The following LRP1B variants were observed in gnomAD, a reference collection of about 807,000 sequenced individuals.
LRP1B encodes the protein low-density lipoprotein receptor-related protein 1B.
LRP1B carries 217 observed loss-of-function variants against 556.6 expected under a neutral mutation model. The ratio of observed to expected loss-of-function variants is 0.39; its 90% CI spans 0.35 to 0.44. The LOEUF (loss-of-function observed/expected upper bound fraction) is 0.44. LRP1B is among the 20% of genes least tolerant of loss of function. The pLI is 1.00. For synonymous variants in LRP1B, 2,047 were observed against 1,865.8 expected, an observed-to-expected ratio of 1.10 and a Z score of -2.50; for missense variants, 5,053 against 5,620.8, an observed-to-expected ratio of 0.90 and a Z score of 3.23.
intron 41 of LRP1B, among the ~76,000 whole-genome samples, chr2:140,672,482 TA>T (rs55884730): frequency 1.7e-3 from 141 of 81,574 alleles, no homozygotes; most frequent in East Asian, 0.016. Flanking sequence ...AGACTCCATC[TA>T]AAAAAAAAAA....
At chr2:140,547,731 C>T (rs1459530913) in intron 43 of LRP1B, among the ~76,000 whole-genome samples, 2 of 151,970 alleles carry the variant, frequency 1.3e-5, no homozygotes, top group Non-Finnish European at 2.9e-5. Flanking sequence ...AGAAATGGGC[C>T]TTCTGCCTTA....
At chr2:141,863,168 C>T (rs12621675) in intron 1 of LRP1B, among the ~76,000 whole-genome samples, 34,494 of 152,098 alleles carry the variant, frequency 0.23, 4,226 homozygotes, top group Admixed American at 0.32. Flanking sequence ...ATTTAAACTT[C>T]TATAGCACCA....
At chr2:141,860,261 C>T (rs1042783998) in intron 1 of LRP1B, among the ~76,000 whole-genome samples, 2 of 152,120 alleles carry the variant, frequency 1.3e-5, no homozygotes, top group East Asian at 1.9e-4. Context: ...AATGTTAGCA[C>T]TGTCCCAGAA....
intron 2 of LRP1B, among the ~76,000 whole-genome samples, chr2:141,485,807 C>G (rs557079465): frequency 6.6e-6 from 1 of 152,116 alleles, no homozygotes; most frequent in East Asian, 1.9e-4. Context: ...GGCAACGTTG[C>G]CTTAAATTAA....
At chr2:141,083,570 A>G (rs778050342) in intron 7 of LRP1B, among the ~76,000 whole-genome samples, 13 of 152,266 alleles carry the variant, frequency 8.5e-5, no homozygotes, top group Admixed American at 6.5e-5. Flanking sequence ...TTAATTACCA[A>G]TGTGGCGATG....
At chr2:142,078,508 G>C (rs1298205072) in intron 1 of LRP1B, among the ~76,000 whole-genome samples, 1 of 152,026 alleles carries the variant, frequency 6.6e-6, no homozygotes, top group African/African-American at 2.4e-5. Flanking sequence ...TTTAAGATTT[G>C]GGCTTGGCAC....
chr2:141,694,965 A>G lies in LRP1B; in HGVS notation c.205+115314T>C, dbSNP rs569547130. 7.2e-5 allele frequency among the ~76,000 whole-genome samples: 11 copies of G among 152,078 alleles called. 1 individual carries two copies. The South Asian group carries it at 2.1e-3, about 29-fold the overall frequency. ...AATTCCCTATGTCTCTTTTCAGCAGATTGAATAAGCAAGGTAACATTCCTC... is the reference window on the plus strand; with the variant it reads ...AATTCCCTATGTCTCTTTTCAGCAGGTTGAATAAGCAAGGTAACATTCCTC... On this transcript the variant is annotated intron_variant, in intron 2 of 90. Transcript: ENST00000389484.
At chr2:142,126,344 C>T (rs920230197) in intron 1 of LRP1B, among the ~76,000 whole-genome samples, 3 of 151,392 alleles carry the variant, frequency 2.0e-5, no homozygotes, top group Admixed American at 6.6e-5. Flanking sequence ...AAAACCATCA[C>T]CAATTTTCAA....
chr2:141,245,898 C>T (rs901761345), intron 5 of LRP1B, among the ~76,000 whole-genome samples: 4 of 152,190 alleles, frequency 2.6e-5, no homozygotes, highest in South Asian at 4.2e-4. Flanking sequence ...CCATCCTGCC[C>T]TCCTTTCTTC....
At chr2:140,330,350 C>T (rs569976929) in intron 79 of LRP1B, among the ~76,000 whole-genome samples, 136 of 151,810 alleles carry the variant, frequency 9.0e-4, no homozygotes, top group African/African-American at 2.8e-3. Context: ...CTATAGTAAC[C>T]AAAAGCTATG....
intron 41 of LRP1B, among the ~76,000 whole-genome samples, chr2:140,675,783 AT>A (rs1258557848): frequency 6.6e-6 from 1 of 152,212 alleles, no homozygotes; most frequent in African/African-American, 2.4e-5. Flanking sequence ...TGTCTATAAA[AT>A]AATATAGACA....
intron 1 of LRP1B, among the ~76,000 whole-genome samples, chr2:142,101,559 A>G (rs1305793845): frequency 6.6e-6 from 1 of 152,140 alleles, no homozygotes; most frequent in African/African-American, 2.4e-5. Flanking sequence ...AAAGACTCCA[A>G]ATGAAGCTAT....
At chr2:141,303,291 A>G (rs575828798) in intron 3 of LRP1B, among the ~76,000 whole-genome samples, 46 of 152,186 alleles carry the variant, frequency 3.0e-4, no homozygotes, top group Middle Eastern at 3.4e-3. Context: ...GAACATTTCA[A>G]GTCCTCTCTT....
rs370570465 is a variant in LRP1B, at chr2:141,526,369, T to C, written c.206-45836A>G. ...AGGTCTCAAGCAGTAAAGGCAAAAA[T>C]CCATAAGTCTGTTTAATCTACATTG... On this transcript the variant is annotated intron_variant, in intron 2 of 90. Transcript: ENST00000389484. Among the ~76,000 whole-genome samples the C allele has an allele frequency of 5.9e-5, 9 of 152,080 alleles. No homozygotes were observed. The East Asian group carries it at 1.4e-3, about 23-fold the overall frequency.
intron 35 of LRP1B, among the ~76,000 whole-genome samples, chr2:140,736,664 T>C (rs1252698709): frequency 6.6e-6 from 1 of 152,192 alleles, no homozygotes; most frequent in African/African-American, 2.4e-5. Flanking sequence ...CTGGGAAAAC[T>C]GGCTAGCCAT....
At chr2:140,512,198 G>T (rs766560408) in intron 51 of LRP1B, among the ~76,000 whole-genome samples, 1 of 152,132 alleles carries the variant, frequency 6.6e-6, no homozygotes, top group Non-Finnish European at 1.5e-5. Flanking sequence ...TCTTTAAAAT[G>T]ATGGGTATGA....
At chr2:141,688,449 T>C (rs1315652914) in intron 2 of LRP1B, among the ~76,000 whole-genome samples, 6 of 151,910 alleles carry the variant, frequency 3.9e-5, no homozygotes, top group Non-Finnish European at 7.4e-5. Flanking sequence ...ACCTGAGGTA[T>C]AGATGTTAAG....
At chr2:141,560,322 T>C (rs2105245944) in intron 2 of LRP1B, among the ~76,000 whole-genome samples, 1 of 151,826 alleles carries the variant, frequency 6.6e-6, no homozygotes, top group South Asian at 2.1e-4. Context: ...GAAGAGGGTG[T>C]GATACTTTTT....
intron 2 of LRP1B, among the ~76,000 whole-genome samples, chr2:141,692,324 A>C (rs1691566021): frequency 6.6e-6 from 1 of 152,002 alleles, no homozygotes; most frequent in Non-Finnish European, 1.5e-5. Flanking sequence ...CTTATCTATA[A>C]GTTTTACTCT....
Sources: allele counts gnomAD v4.1 joint callset (sites outside exome capture counted in the v4.1 genomes callset), GRCh38; gene constraint gnomAD v4.1.1; transcripts MANE v1.5; gene names NCBI Gene and HGNC (gene_info 2026-07-23, HGNC 2026-07-21).